PABPC4L: variants seen among roughly 807,000 people sequenced by gnomAD.
PABPC4L encodes polyadenylate-binding protein 4-like.
For synonymous variants in PABPC4L, 169 were observed against 164.1 expected, an observed-to-expected ratio of 1.03 and a Z score of -0.23; for missense variants, 452 against 451.4, an observed-to-expected ratio of 1.00 and a Z score of -0.01.
the PABPC4L span, among the ~76,000 whole-genome samples, chr4:134,034,964 A>G: frequency 6.6e-6 from 1 of 151,778 alleles, no homozygotes; most frequent in Non-Finnish European, 1.5e-5. Flanking sequence ...ATCACATATG[A>G]CAGAGAAATA....
At chr4:134,180,251 A>G in the PABPC4L span, among the ~76,000 whole-genome samples, 1 of 152,086 alleles carries the variant, frequency 6.6e-6, no homozygotes, top group African/African-American at 2.4e-5. Flanking sequence ...ACTCAATACA[A>G]TAATATGGAA....
Position 134,200,271 on chromosome 4 carries a change from A to G in PABPC4L, c.749T>C (p.Met250Thr), listed in dbSNP as rs774151776. ...HEAAKKAVEE[M>T]NGRDINGQLI... The stretch of plus-strand genomic sequence containing the variant: ...CTGCCCATTTATGTCCCTTCCATTC[A>G]TTTCTTCAACAGCTTTCTTGGCAGC... The change falls in exon 2 of 2, where the codon ATG becomes ACG. Residue 250 changes from methionine to threonine, a missense_variant. By Grantham distance (81) the Met-to-Thr change is moderately conservative. Transcript: ENST00000421491. 6.4e-7 allele frequency: 1 copy of G among 1,562,256 alleles called. No homozygotes were observed. The highest frequency in any genetic ancestry group is 8.7e-7 in the Non-Finnish European group (1 of 1,152,490).
the PABPC4L span, among the ~76,000 whole-genome samples, chr4:134,155,568 A>G: frequency 6.6e-6 from 1 of 151,976 alleles, no homozygotes; most frequent in African/African-American, 2.4e-5. Flanking sequence ...AAAGAAATAA[A>G]TAATTTTTAT....
At chr4:134,079,575 T>G in the PABPC4L span, among the ~76,000 whole-genome samples, 1 of 52,118 alleles carries the variant, frequency 1.9e-5, no homozygotes, top group Non-Finnish European at 3.5e-5. Flanking sequence ...CAAGACTTCC[T>G]CTCAAAAAAA....
At chr4:134,094,888 G>C in the PABPC4L span, among the ~76,000 whole-genome samples, 2 of 151,576 alleles carry the variant, frequency 1.3e-5, no homozygotes, top group Non-Finnish European at 3.0e-5. Flanking sequence ...TTTTTCTTCT[G>C]TATGTTCTTT....
chr4:134,166,078 G>A, the PABPC4L span, among the ~76,000 whole-genome samples: 2 of 152,044 alleles, frequency 1.3e-5, no homozygotes, highest in East Asian at 3.9e-4. Context: ...CTAAGCTATG[G>A]GTATGCAAAG....
At chr4:134,060,551 A>T in the PABPC4L span, among the ~76,000 whole-genome samples, 12 of 151,836 alleles carry the variant, frequency 7.9e-5, no homozygotes, top group Admixed American at 2.0e-4. Context: ...GAGGTCACCC[A>T]TTCCATGCCC....
chr4:134,135,603 G>A, the PABPC4L span, among the ~76,000 whole-genome samples: 3,419 of 152,122 alleles, frequency 0.022, 131 homozygotes, highest in African/African-American at 0.078. Flanking sequence ...AGGCCTAGGC[G>A]GGCAGATCAC....
At chr4:134,133,109 T>A in the PABPC4L span, among the ~76,000 whole-genome samples, 2 of 16,860 alleles carry the variant, frequency 1.2e-4, no homozygotes, top group Non-Finnish European at 1.6e-4. Flanking sequence ...CATATAATTA[T>A]ATATTATATA....
At chr4:133,951,904 C>A in the PABPC4L span, among the ~76,000 whole-genome samples, 65 of 152,158 alleles carry the variant, frequency 4.3e-4, 1 homozygote, top group African/African-American at 1.5e-3. Flanking sequence ...TTTCAGAGTT[C>A]TCTCTTTGTC....
chr4:134,178,504 T>C, the PABPC4L span, among the ~76,000 whole-genome samples: 1 of 150,822 alleles, frequency 6.6e-6, no homozygotes, highest in African/African-American at 2.4e-5. Flanking sequence ...TACCTCCAAA[T>C]GATTGCACTC....
At chr4:134,146,680 G>A in the PABPC4L span, among the ~76,000 whole-genome samples, 1 of 152,130 alleles carries the variant, frequency 6.6e-6, no homozygotes, top group South Asian at 2.1e-4. Flanking sequence ...AAAGCTCTCA[G>A]AATCAAGAGG....
At chr4:134,154,350 G>A in the PABPC4L span, among the ~76,000 whole-genome samples, 1 of 152,024 alleles carries the variant, frequency 6.6e-6, no homozygotes, top group African/African-American at 2.4e-5. Flanking sequence ...CAGCTACTTG[G>A]GAGGCTGAGG....
chr4:133,969,489 C>T, the PABPC4L span, among the ~76,000 whole-genome samples: 1 of 152,134 alleles, frequency 6.6e-6, no homozygotes, highest in East Asian at 1.9e-4. Context: ...TTTGTGCAGC[C>T]AGCAGGAGTC....
chr4:134,159,900 G>C, the PABPC4L span, among the ~76,000 whole-genome samples: 1 of 152,134 alleles, frequency 6.6e-6, no homozygotes, highest in Admixed American at 6.5e-5. Flanking sequence ...AAAGAATAGA[G>C]AAGATTTTGT....
chr4:134,081,100 T>G, the PABPC4L span, among the ~76,000 whole-genome samples: 1 of 152,174 alleles, frequency 6.6e-6, no homozygotes, highest in Non-Finnish European at 1.5e-5. Context: ...AGCCTCAAAC[T>G]GAATTTACAA....
chr4:134,039,901 G>A, the PABPC4L span, among the ~76,000 whole-genome samples: 61 of 151,812 alleles, frequency 4.0e-4, 1 homozygote, highest in Non-Finnish European at 7.2e-4. Context: ...CAAAAATTAC[G>A]AGCATTCCTA....
At chr4:134,148,808 G>A in the PABPC4L span, among the ~76,000 whole-genome samples, 1 of 152,014 alleles carries the variant, frequency 6.6e-6, no homozygotes. Context: ...GACATAAGGA[G>A]CTCAAAATAA....
At chr4:134,118,093 G>T in the PABPC4L span, among the ~76,000 whole-genome samples, 1 of 151,790 alleles carries the variant, frequency 6.6e-6, no homozygotes, top group Non-Finnish European at 1.5e-5. Flanking sequence ...TCAACAACAT[G>T]AGGACCATGC....
Sources: allele counts gnomAD v4.1 joint callset (sites outside exome capture counted in the v4.1 genomes callset), GRCh38; gene constraint gnomAD v4.1.1; transcripts MANE v1.5; gene names NCBI Gene and HGNC (gene_info 2026-07-23, HGNC 2026-07-21).